The following ZNF44 variants were observed in gnomAD, a reference collection of about 807,000 sequenced individuals.
ZNF44 encodes gonadotropin inducible transcription repressor-2.
ZNF44 carries 9 observed loss-of-function variants against 11.7 expected under a neutral mutation model. The ratio of observed to expected loss-of-function variants is 0.77; its 90% CI spans 0.46 to 1.35. The LOEUF (loss-of-function observed/expected upper bound fraction) is 1.35. Ranked by LOEUF, ZNF44 falls within the 40% of genes most tolerant of loss-of-function variation. ZNF44 has a pLI of 0.00. For missense variants in ZNF44, 696 were observed against 743.1 expected, an observed-to-expected ratio of 0.94 and a Z score of 0.74; for synonymous variants, 224 against 242.7, an observed-to-expected ratio of 0.92 and a Z score of 0.72.
intron 1 of ZNF44, among the ~76,000 whole-genome samples, chr19:12,235,185 G>T (rs981285822): frequency 1.3e-5 from 2 of 151,992 alleles, no homozygotes; most frequent in Non-Finnish European, 2.9e-5. Flanking sequence ...CTGGCTAACA[G>T]GGTGAAACCC....
intron 5 of ZNF44, among the ~76,000 whole-genome samples, chr19:12,256,966 C>T (rs776546056): frequency 1.3e-5 from 2 of 152,132 alleles, no homozygotes; most frequent in African/African-American, 2.4e-5. Flanking sequence ...CCTCAGCCTC[C>T]CACAGGTGTG....
intron 5 of ZNF44, chr19:12,260,247 G>A (rs985334190): frequency 8.7e-6 from 7 of 808,192 alleles, no homozygotes; most frequent in South Asian, 5.4e-5. Flanking sequence ...CCGCTACAAC[G>A]GGCTGATTCA....
chr19:12,228,632 TTTAAACAACCAG>T (rs1481018659), intron 3 of ZNF44, among the ~76,000 whole-genome samples: 1 of 152,194 alleles, frequency 6.6e-6, no homozygotes, highest in Non-Finnish European at 1.5e-5. Flanking sequence ...CATCTCTCTC[TTTAAACAACCAG>T]TTAATTTACT....
intron 3 of ZNF44, among the ~76,000 whole-genome samples, chr19:12,227,287 A>G (rs1022823653): frequency 9.2e-5 from 14 of 151,994 alleles, no homozygotes; most frequent in Admixed American, 2.6e-4. Flanking sequence ...CAAGACAACA[A>G]TTGTTTATGG....
downstream of ZNF44, among the ~76,000 whole-genome samples, chr19:12,269,421 C>G (rs1422018442): frequency 6.6e-6 from 1 of 152,154 alleles, no homozygotes; most frequent in Non-Finnish European, 1.5e-5. Context: ...ACTCGGGAGG[C>G]TGAGGCAGGA....
intron 1 of ZNF44, among the ~76,000 whole-genome samples, chr19:12,289,913 G>A (rs1184123580): frequency 6.6e-6 from 1 of 152,096 alleles, no homozygotes; most frequent in South Asian, 2.1e-4. Context: ...TTACCGGCGT[G>A]AGCCACCGTG....
chr19:12,274,581 T>A (rs1049070616), intron 3 of ZNF44, among the ~76,000 whole-genome samples: 7 of 151,482 alleles, frequency 4.6e-5, no homozygotes, highest in Non-Finnish European at 8.8e-5. Flanking sequence ...GCCTTTTTTT[T>A]TTTTTTAAGA....
At chr19:12,250,942 TTGGCTGGGCACAA>T in intron 5 of ZNF44, 2 of 400,004 alleles carry the variant, frequency 5.0e-6, no homozygotes, top group Non-Finnish European at 5.0e-6. Context: ...TTTGGAGAAG[TTGGCTGGGCACAA>T]TGGCTCACAC....
intron 5 of ZNF44, among the ~76,000 whole-genome samples, chr19:12,255,043 C>T (rs568566775): frequency 2.0e-5 from 3 of 149,414 alleles, no homozygotes; most frequent in Admixed American, 1.3e-4. Flanking sequence ...GAACCAAGAT[C>T]GTGCCACTGC....
At chr19:12,267,978 AG>A (rs1297140011), downstream of ZNF44, among the ~76,000 whole-genome samples, 19 of 151,972 alleles carry the variant, frequency 1.3e-4, no homozygotes, top group East Asian at 2.9e-3. Context: ...CTGGGATTAC[AG>A]GCGAGCGTGA....
chr19:12,289,247 G>A (rs970756501), intron 1 of ZNF44, among the ~76,000 whole-genome samples: 16 of 152,132 alleles, frequency 1.1e-4, no homozygotes, highest in African/African-American at 3.9e-4. Flanking sequence ...GGTCAAGGCT[G>A]CAGTGAGCTG....
intron 1 of ZNF44, among the ~76,000 whole-genome samples, chr19:12,289,115 G>C (rs574663644): frequency 6.6e-6 from 1 of 151,724 alleles, no homozygotes; most frequent in Non-Finnish European, 1.5e-5. Flanking sequence ...GACCAGCCTG[G>C]GCAACATGGT....
intron 5 of ZNF44, chr19:12,266,220 C>G (rs1917721671): frequency 4.1e-6 from 4 of 982,758 alleles, no homozygotes; most frequent in Non-Finnish European, 4.8e-6. Flanking sequence ...CCGCCACAGC[C>G]GGTCCCAGCC....
chr19:12,230,776 A>G (rs1369037762), intron 2 of ZNF44, among the ~76,000 whole-genome samples: 1 of 152,180 alleles, frequency 6.6e-6, no homozygotes, highest in Non-Finnish European at 1.5e-5. Flanking sequence ...AAAACCTGAG[A>G]GGGGCTTCTG....
chr19:12,272,442 T>C lies in ZNF44; in HGVS notation c.1813A>G (p.Arg605Gly), dbSNP rs377698280. The change falls in exon 4 of 4, where the codon AGA (arginine) becomes GGA (glycine). Residue 605 changes from arginine (R) to glycine (G), a missense_variant. Physicochemically the swap from Arg to Gly is moderately radical, Grantham distance 125. Transcript: ENST00000355684. ...TCCTTCCAGTGTGTCCTTTTATGTC[T>C]ATTAAAGGAACTGAGAGAACTGAAG... ...KAFSSLSSFN[R>G]HKRTHWKDIL 1 of 1,577,542 alleles carries C rather than the reference T, an allele frequency of 6.3e-7. No individual in the cohort carries two copies. Among genetic ancestry groups the C allele is most frequent in the Non-Finnish European group, 8.6e-7 (1 of 1,166,052 alleles).
chr19:12,274,436 C>A (rs1399397527), intron 3 of ZNF44, among the ~76,000 whole-genome samples: 2 of 151,890 alleles, frequency 1.3e-5, no homozygotes, highest in African/African-American at 4.8e-5. Context: ...CCACACCCAG[C>A]TAATTTTTGT....
chr19:12,241,893 C>T (rs1038031154), upstream of ZNF44, among the ~76,000 whole-genome samples: 21 of 152,144 alleles, frequency 1.4e-4, no homozygotes, highest in African/African-American at 4.6e-4. Context: ...TACATGCTAA[C>T]ATGTGGATGA....
At chr19:12,256,233 A>G (rs1161528072) in intron 5 of ZNF44, among the ~76,000 whole-genome samples, 1 of 152,146 alleles carries the variant, frequency 6.6e-6, no homozygotes, top group Admixed American at 6.5e-5. Context: ...CCAGCAGAAC[A>G]AAGAACAAAA....
intron 1 of ZNF44, among the ~76,000 whole-genome samples, chr19:12,235,654 T>G (rs1005786057): frequency 2.0e-5 from 3 of 152,036 alleles, no homozygotes; most frequent in African/African-American, 7.2e-5. Context: ...ACAAGGCTGA[T>G]TCAAAATTCA....
Sources: gnomAD v4.1 joint callset for allele counts (sites outside exome capture counted in the v4.1 genomes callset) on GRCh38, gnomAD v4.1.1 for gene constraint, MANE v1.5 for transcripts, NCBI Gene and HGNC (gene_info 2026-07-23, HGNC 2026-07-21) for gene names.